Variants in LNPEP observed in about 807,000 individuals in gnomAD.
The protein encoded by LNPEP is leucyl and cystinyl aminopeptidase, also known as leucyl-cystinyl aminopeptidase.
Under a neutral mutation model 120.6 loss-of-function variants are expected in LNPEP, and 64 were observed. The ratio of observed to expected loss-of-function variants is 0.53; its 90% CI spans 0.43 to 0.65. LNPEP has a LOEUF of 0.65. Ranked by LOEUF, LNPEP falls within the 30% of genes least tolerant of loss-of-function variation. The pLI, the probability that LNPEP is intolerant of heterozygous loss-of-function variation, is 0.00. For synonymous variants in LNPEP, 435 were observed against 425.4 expected, an observed-to-expected ratio of 1.02 and a Z score of -0.28; for missense variants, 1,057 against 1,200.0, an observed-to-expected ratio of 0.88 and a Z score of 1.76.
intron 2 of LNPEP, among the ~76,000 whole-genome samples, chr5:96,983,708 A>G (rs769062176): frequency 6.6e-6 from 1 of 152,154 alleles, no homozygotes; most frequent in Non-Finnish European, 1.5e-5. Flanking sequence ...TGGCCTCCCA[A>G]AGTGCTGGGA....
At position 97,013,763 on chromosome 5, in the gene LNPEP, A is replaced by G; in HGVS notation, c.2151A>G (p.Lys717=). 7 of 1,612,444 alleles carry G rather than the reference A, an allele frequency of 4.3e-6. No individual in the cohort carries two copies. Among genetic ancestry groups the G allele is most frequent in the Non-Finnish European group, 5.9e-6 (7 of 1,179,006 alleles). ...GGGAAGCACTAATCCATCAGTTGAA[A>G]ATAAATCCTTATGTTCTGAGTGACA... ...DDWEALIHQL[K]INPYVLSDKD... is the part of the protein sequence containing the mutation. Residue 717 remains lysine, a synonymous_variant, in exon 12 of 18, where the codon AAA becomes AAG. Transcript: ENST00000231368.
At chr5:96,990,273 G>A (rs1327552079) in intron 4 of LNPEP, among the ~76,000 whole-genome samples, 2 of 152,090 alleles carry the variant, frequency 1.3e-5, no homozygotes, top group Non-Finnish European at 2.9e-5. Context: ...CAGTAAGTAG[G>A]ATCAGCTTGT....
At chr5:97,011,116 C>G (rs1485782371) in intron 11 of LNPEP, 4 of 985,260 alleles carry the variant, frequency 4.1e-6, no homozygotes, top group Admixed American at 6.1e-5. Context: ...TCAATGTTTT[C>G]TGCATCCATC....
chr5:97,025,780 G>T (rs945600308), intron 15 of LNPEP, among the ~76,000 whole-genome samples: 5 of 151,858 alleles, frequency 3.3e-5, no homozygotes, highest in Admixed American at 1.3e-4. Context: ...CAGTCTATGA[G>T]ATTTTCCATG....
At chr5:97,019,165 A>G (rs1220806605) in intron 13 of LNPEP, among the ~76,000 whole-genome samples, 2 of 152,132 alleles carry the variant, frequency 1.3e-5, no homozygotes, top group African/African-American at 2.4e-5. Context: ...TATTGTTGTT[A>G]TTGCATTTTA....
chr5:96,957,785 G>A (rs1789506659), intron 1 of LNPEP, among the ~76,000 whole-genome samples: 1 of 152,186 alleles, frequency 6.6e-6, no homozygotes. Context: ...AGAATCTTAA[G>A]ATAATTTGTG....
In LNPEP at chr5:97,029,010, C is replaced by T. The variant is rs1411203265; in HGVS notation, c.*477C>T. On this transcript the variant is annotated 3_prime_UTR_variant, in exon 18 of 18. Coordinates refer to ENST00000231368, the MANE Select transcript of LNPEP (RefSeq NM_005575.3). ...GCTCTGAAGAATATGGTAACGAAGA[C>T]AATAAAGCATGCACTGTAAGAACTG... 1.3e-5 allele frequency: 2 copies of T among 157,340 alleles called. No homozygotes were observed. Among genetic ancestry groups the T allele is most frequent in the Admixed American group, 1.3e-4 (2 of 15,750 alleles). 9.7% of individuals were successfully genotyped at this position (157,340 alleles called of 1,614,324 possible).
chr5:97,028,576 T>C lies in LNPEP; in HGVS notation c.*43T>C, dbSNP rs765499643. 6.2e-7 allele frequency: 1 copy of C among 1,605,918 alleles called. No homozygotes were observed. The highest frequency in any genetic ancestry group is 8.5e-7 in the Non-Finnish European group (1 of 1,175,488). ...CATTTTGTTGCCCATTCAGAGAGCTTGTAAGCTTGGGCTCTGCCGCTTTTG... is the reference window on the plus strand; with the variant it reads ...CATTTTGTTGCCCATTCAGAGAGCTCGTAAGCTTGGGCTCTGCCGCTTTTG... On this transcript the variant is annotated 3_prime_UTR_variant, in exon 18 of 18. Coordinates refer to ENST00000231368, the MANE Select transcript of LNPEP (RefSeq NM_005575.3).
intron 13 of LNPEP, among the ~76,000 whole-genome samples, chr5:97,016,717 G>A (rs536872751): frequency 1.3e-5 from 2 of 152,206 alleles, no homozygotes; most frequent in Admixed American, 6.5e-5. Flanking sequence ...AAATGAAATT[G>A]TCAACTTAAG....
chr5:97,029,916 G>C lies in LNPEP; in HGVS notation c.*1383G>C, dbSNP rs933923784. Reference sequence around the variant, plus strand: ...GATTGTTGTGTTTCTTTGATTCTTAGGAGAAAAGCTTTCTTCCTAATAATT... The same window carrying C: ...GATTGTTGTGTTTCTTTGATTCTTACGAGAAAAGCTTTCTTCCTAATAATT... On this transcript the variant is annotated 3_prime_UTR_variant, in exon 18 of 18. Transcript: ENST00000231368. 6.6e-6 allele frequency: 1 copy of C among 151,980 alleles called. No homozygotes were observed. Among genetic ancestry groups the C allele is most frequent in the Non-Finnish European group, 1.5e-5 (1 of 67,960 alleles). 9.4% of individuals were successfully genotyped at this position (151,980 alleles called of 1,614,324 possible).
At chr5:96,943,295 T>C (rs1229710799) in intron 1 of LNPEP, 1 of 160,352 alleles carries the variant, frequency 6.2e-6, no homozygotes, top group African/African-American at 2.4e-5. Flanking sequence ...TCATTTGCTG[T>C]TCCTTTTTTT....
intron 4 of LNPEP, among the ~76,000 whole-genome samples, chr5:96,988,234 G>A (rs2112619261): frequency 6.6e-6 from 1 of 150,920 alleles, no homozygotes; most frequent in East Asian, 1.9e-4. Flanking sequence ...TTCATCATTT[G>A]ATAATCAAGG....
chr5:97,008,662 CTTT>C (rs757725207), intron 11 of LNPEP, among the ~76,000 whole-genome samples: 1 of 85,444 alleles, frequency 1.2e-5, no homozygotes, highest in Non-Finnish European at 2.1e-5. Flanking sequence ...CCTCTTTACT[CTTT>C]TTTTTTTTTT....
intron 13 of LNPEP, among the ~76,000 whole-genome samples, chr5:97,016,381 G>A (rs1251065518): frequency 2.0e-5 from 3 of 152,104 alleles, no homozygotes; most frequent in Admixed American, 6.6e-5. Context: ...AGTGCTTAAT[G>A]TAGATTACCT....
chr5:97,003,115 C>T (rs1352639366), intron 8 of LNPEP, among the ~76,000 whole-genome samples: 5 of 152,096 alleles, frequency 3.3e-5, no homozygotes, highest in African/African-American at 1.2e-4. Flanking sequence ...AAATACTTAG[C>T]TTTTCAACAC....
intron 1 of LNPEP, among the ~76,000 whole-genome samples, chr5:96,961,909 G>A (rs906410864): frequency 5.9e-5 from 9 of 152,094 alleles, no homozygotes; most frequent in Non-Finnish European, 1.2e-4. Context: ...ATGAGAGAAA[G>A]GGGAGAGGGG....
intron 1 of LNPEP, among the ~76,000 whole-genome samples, chr5:96,971,345 T>TTG (rs3076561): frequency 0.38 from 54,836 of 142,730 alleles, 10,191 homozygotes; most frequent in Non-Finnish European, 0.42. Context: ...ACATTATTAT[T>TTG]TGTGTGTGTG....
chr5:97,000,385 C>A (rs974917437), intron 8 of LNPEP, among the ~76,000 whole-genome samples: 12 of 152,154 alleles, frequency 7.9e-5, no homozygotes, highest in African/African-American at 2.4e-4. Flanking sequence ...CTTTGAAAGA[C>A]CTGCTTGCAA....
At chr5:97,016,037 T>C (rs1791061195) in intron 13 of LNPEP, among the ~76,000 whole-genome samples, 1 of 152,130 alleles carries the variant, frequency 6.6e-6, no homozygotes, top group Non-Finnish European at 1.5e-5. Context: ...ATCACCTGCA[T>C]GATTCTCAGT....
Sources: allele counts gnomAD v4.1 joint callset (sites outside exome capture counted in the v4.1 genomes callset), GRCh38; gene constraint gnomAD v4.1.1; transcripts MANE v1.5; gene names NCBI Gene and HGNC (gene_info 2026-07-23, HGNC 2026-07-21).